OTUD3: variants seen among roughly 807,000 people sequenced by gnomAD.
OTUD3 encodes OTU domain-containing protein 3.
OTUD3 carries 24 observed loss-of-function variants against 46.2 expected under a neutral mutation model. That is an observed-to-expected ratio of 0.52 (90% CI 0.38 to 0.73). The LOEUF (loss-of-function observed/expected upper bound fraction) is 0.73. Ranked by LOEUF, OTUD3 falls within the 30% of genes least tolerant of loss-of-function variation. The pLI is 0.00. For synonymous variants in OTUD3, 189 were observed against 195.4 expected (o/e 0.97, Z 0.27); for missense variants, 455 against 523.3 (o/e 0.87, Z 1.27).
chr1:19,896,138 A>G (rs761393242), intron 3 of OTUD3, among the ~76,000 whole-genome samples: 1 of 152,144 alleles, frequency 6.6e-6, no homozygotes, highest in African/African-American at 2.4e-5. Flanking sequence ...CTGAAACTGC[A>G]TTGGTTGCTA....
In OTUD3 at chr1:19,907,837, A is replaced by T; in HGVS notation, c.*91A>T. 8.3e-7 allele frequency: 1 copy of T among 1,210,694 alleles called. No homozygotes were observed. Among genetic ancestry groups the T allele is most frequent in the East Asian group, 2.4e-5 (1 of 41,304 alleles). 75.0% of individuals were successfully genotyped at this position (1,210,694 alleles called of 1,614,324 possible). Reference sequence around the variant, plus strand: ...GTGAGGCCGTCCTTTTATAAAACGCAACACAACCAACGAAGCCCACACATG... The same window carrying T: ...GTGAGGCCGTCCTTTTATAAAACGCTACACAACCAACGAAGCCCACACATG... On this transcript the variant is annotated 3_prime_UTR_variant, in exon 8 of 8. Transcript: ENST00000375120.
At chr1:19,894,997 C>T (rs1449729278) in intron 3 of OTUD3, among the ~76,000 whole-genome samples, 1 of 152,144 alleles carries the variant, frequency 6.6e-6, no homozygotes, top group Non-Finnish European at 1.5e-5. Flanking sequence ...AAATTTTATT[C>T]AATCACCCAG....
At chr1:19,905,645 G>T (rs1017628496) in intron 6 of OTUD3, among the ~76,000 whole-genome samples, 24 of 152,250 alleles carry the variant, frequency 1.6e-4, no homozygotes, top group African/African-American at 5.3e-4. Context: ...GGAGGCTGAG[G>T]CAGGAGAATT....
intron 1 of OTUD3, among the ~76,000 whole-genome samples, chr1:19,888,722 A>G (rs747667306): frequency 2.0e-4 from 30 of 152,194 alleles, no homozygotes; most frequent in Non-Finnish European, 1.0e-4. Context: ...GTGAGACACA[A>G]CATGTTTAAT....
At position 19,904,252 on chromosome 1, in the gene OTUD3, A is replaced by G; in HGVS notation, c.607-15A>G. 1 of 1,579,382 alleles carries G rather than the reference A, an allele frequency of 6.3e-7. No homozygotes were observed. On this transcript the variant is annotated splice_polypyrimidine_tract_variant and intron_variant, in intron 4 of 7. Coordinates refer to ENST00000375120, the MANE Select transcript of OTUD3 (RefSeq NM_015207.2). ...TTCTCAACATAGTTCCCTGATTATT[A>G]CTTGTTTCCTTTAGTTTCAGATGCT... is the stretch of plus-strand genomic sequence containing the variant.
At chr1:19,902,357 C>T (rs1355014916) in intron 4 of OTUD3, among the ~76,000 whole-genome samples, 4 of 152,286 alleles carry the variant, frequency 2.6e-5, no homozygotes, top group Middle Eastern at 3.4e-3. Context: ...AGGGACCCAC[C>T]GCCACGCCCA....
In OTUD3 at chr1:19,884,836, G is replaced by C. The variant is rs539366142; in HGVS notation, c.221+2102G>C. Reference sequence around the variant, plus strand: ...TCCCTTGAGTCACACTTTGAGAACAGATGATACAAATAATTAAAATATAGT... The same window carrying C: ...TCCCTTGAGTCACACTTTGAGAACACATGATACAAATAATTAAAATATAGT... On this transcript the variant is annotated intron_variant, in intron 1 of 7. Transcript: ENST00000375120. Among the ~76,000 whole-genome samples the C allele has an allele frequency of 2.6e-5, 4 of 152,190 alleles. 1 individual carries two copies. The South Asian group carries it at 8.3e-4, about 31-fold the overall frequency.
chr1:19,895,576 A>G (rs780460709), intron 3 of OTUD3, among the ~76,000 whole-genome samples: 1 of 152,224 alleles, frequency 6.6e-6, no homozygotes, highest in Non-Finnish European at 1.5e-5. Flanking sequence ...CTATGCTACA[A>G]CAAAGTAAGA....
At position 19,882,422 on chromosome 1, in the gene OTUD3, G is replaced by A. The variant is rs1486148776; in HGVS notation, c.-92G>A. ...TGCGTAGTCGTCGCCGGGCTCCGTT[G>A]CCCGCGCTGTTTTACCTTCCCAACG... On this transcript the variant is annotated 5_prime_UTR_variant, in exon 1 of 8. Transcript: ENST00000375120. The A allele has an allele frequency of 6.9e-6, 9 of 1,300,160 alleles. No homozygotes were observed. The highest frequency in any genetic ancestry group is 2.3e-5 in the South Asian group (1 of 43,322). 80.5% of individuals were successfully genotyped at this position (1,300,160 alleles called of 1,614,324 possible). A position where few individuals can be genotyped will look rare whatever the true frequency, so the allele number is the denominator to read the frequency against.
chr1:19,887,736 A>T (rs768747348), intron 1 of OTUD3, among the ~76,000 whole-genome samples: 4 of 152,196 alleles, frequency 2.6e-5, no homozygotes, highest in Non-Finnish European at 4.4e-5. Flanking sequence ...TTTAGGCCAA[A>T]CATCACTAGT....
chr1:19,883,795 A>C (rs531450083), intron 1 of OTUD3, among the ~76,000 whole-genome samples: 1 of 152,184 alleles, frequency 6.6e-6, no homozygotes, highest in African/African-American at 2.4e-5. Flanking sequence ...ATTGCCTTAG[A>C]TATTAACTGC....
chr1:19,892,535 T>C (rs72658582), intron 2 of OTUD3, among the ~76,000 whole-genome samples: 31,475 of 152,102 alleles, frequency 0.21, 3,688 homozygotes, highest in Non-Finnish European at 0.28. Context: ...TATTCTTTTC[T>C]TTTAGACTGT....
Position 19,907,973 on chromosome 1 carries a change from A to G in OTUD3, c.*227A>G, listed in dbSNP as rs775062136. On this transcript the variant is annotated 3_prime_UTR_variant, in exon 8 of 8. Coordinates refer to ENST00000375120, the MANE Select transcript of OTUD3 (RefSeq NM_015207.2). ...TGCAGTGAGGCCATTCATATTCTGT[A>G]ATACAAAATTAAAATACTGAGTTTT... The G allele has an allele frequency of 7.2e-6, 3 of 419,374 alleles. No individual in the cohort carries two copies. The highest frequency in any genetic ancestry group is 1.3e-5 in the Non-Finnish European group (3 of 236,192). 26.0% of individuals were successfully genotyped at this position (419,374 alleles called of 1,614,324 possible). A position where few individuals can be genotyped will look rare whatever the true frequency, so the allele number is the denominator to read the frequency against.
intron 2 of OTUD3, among the ~76,000 whole-genome samples, chr1:19,892,779 T>G (rs1365895699): frequency 6.6e-6 from 1 of 152,228 alleles, no homozygotes; most frequent in East Asian, 1.9e-4. Context: ...TTCCTCAGTC[T>G]GTTTTCTACA....
Position 19,907,971 on chromosome 1 carries a change from G to A in OTUD3, c.*225G>A, listed in dbSNP as rs558970399. ...AATGCAGTGAGGCCATTCATATTCTGTAATACAAAATTAAAATACTGAGTT... is the reference window on the plus strand; with the variant it reads ...AATGCAGTGAGGCCATTCATATTCTATAATACAAAATTAAAATACTGAGTT... On this transcript the variant is annotated 3_prime_UTR_variant, in exon 8 of 8. Coordinates refer to ENST00000375120, the MANE Select transcript of OTUD3 (RefSeq NM_015207.2). 26 of 421,714 alleles carry A rather than the reference G, an allele frequency of 6.2e-5. No homozygotes were observed. The highest frequency in any genetic ancestry group is 1.2e-4 in the African/African-American group (6 of 49,932). 26.1% of individuals were successfully genotyped at this position (421,714 alleles called of 1,614,324 possible). A position where few individuals can be genotyped will look rare whatever the true frequency, so the allele number is the denominator to read the frequency against.
intron 2 of OTUD3, among the ~76,000 whole-genome samples, chr1:19,892,922 C>T (rs1005787083): frequency 6.6e-6 from 1 of 152,126 alleles, no homozygotes; most frequent in African/African-American, 2.4e-5. Context: ...TCTCTGTCCT[C>T]ATCTCTTGCC....
In OTUD3 at chr1:19,883,223, G is replaced by A. The variant is rs76268618; in HGVS notation, c.221+489G>A. On this transcript the variant is annotated intron_variant, in intron 1 of 7. Coordinates refer to ENST00000375120, the MANE Select transcript of OTUD3 (RefSeq NM_015207.2). ...CCATTTACATTTGTGAAATTAGGTC[G>A]CCTGTTTACTGAGCTGAAGGCAGCT... Among the ~76,000 whole-genome samples, 653 of 152,298 alleles carry A rather than the reference G, an allele frequency of 4.3e-3. 9 individuals are homozygous for A. The highest frequency in any genetic ancestry group is 0.015 in the African/African-American group (627 of 41,554).
chr1:19,893,982 G>A (rs1032773092), intron 2 of OTUD3, among the ~76,000 whole-genome samples: 1 of 152,196 alleles, frequency 6.6e-6, no homozygotes, highest in Non-Finnish European at 1.5e-5. Flanking sequence ...GTATAAAATG[G>A]TTTGTATAAT....
rs1428029319 is a variant in OTUD3 at position 19,910,884 on chromosome 1, C to CCTG, written c.*3138_*3139insCTG. 6 of 152,388 alleles carry CCTG rather than the reference C, an allele frequency of 3.9e-5. No individual in the cohort carries two copies. Among genetic ancestry groups the CCTG allele is most frequent in the Non-Finnish European group, 7.3e-5 (5 of 68,076 alleles). The allele number at this position is 152,388 out of a possible 1,614,324, so 9.4% of individuals were successfully genotyped here. A position where few individuals can be genotyped will look rare whatever the true frequency, so the allele number is the denominator to read the frequency against. On this transcript the variant is annotated 3_prime_UTR_variant, in exon 8 of 8. Coordinates refer to ENST00000375120, the MANE Select transcript of OTUD3 (RefSeq NM_015207.2). ...AGTTGCTCACATATTACACAGGTAGCATCAGGTGGACTTCAGCGCTGAACT... is the reference window on the plus strand; with the variant it reads ...AGTTGCTCACATATTACACAGGTAGCCTGATCAGGTGGACTTCAGCGCTGAACT...
Sources: gnomAD v4.1 joint callset for allele counts (sites outside exome capture counted in the v4.1 genomes callset) on GRCh38, gnomAD v4.1.1 for gene constraint, MANE v1.5 for transcripts, NCBI Gene and HGNC (gene_info 2026-07-23, HGNC 2026-07-21) for gene names.